Variants in NCBP3 observed in about 807,000 individuals in gnomAD.
NCBP3 encodes the protein nuclear cap binding subunit 3.
A neutral mutation model predicts 75.7 loss-of-function variants in NCBP3; 20 were observed. That is an observed-to-expected ratio of 0.26 (90% CI 0.19 to 0.38). The LOEUF (loss-of-function observed/expected upper bound fraction) is 0.38. Ranked by LOEUF, NCBP3 falls within the 10% of genes least tolerant of loss-of-function variation. NCBP3 has a pLI of 1.00. For missense variants in NCBP3, 678 were observed against 796.9 expected (o/e 0.85, Z 1.80); for synonymous variants, 293 against 290.5 (o/e 1.01, Z -0.09).
intron 3 of NCBP3, among the ~76,000 whole-genome samples, chr17:3,832,627 T>C (rs149942861): frequency 2.0e-5 from 3 of 148,564 alleles, no homozygotes; most frequent in Non-Finnish European, 4.5e-5. Flanking sequence ...CGAGAGGCCA[T>C]CTCAAAAAAA....
chr17:3,825,021 C>T lies in NCBP3; in HGVS notation c.717G>A (p.Glu239=), dbSNP rs218719. 8.0e-3 allele frequency: 12,295 copies of T among 1,544,512 alleles called. 852 individuals carry two copies. The African/African-American group carries it at 0.15, about 18-fold the overall frequency. Residue 239 remains glutamate (E), a synonymous_variant, in exon 7 of 13, where the codon GAG becomes GAA. Coordinates refer to ENST00000389005, the MANE Select transcript of NCBP3 (RefSeq NM_001114118.3). ...GACGAAGATCGTTTCTTAACAAAGA[C>T]TCCTCTTCTACCTGAGACAACGTAT... ...ELDTLSQVEE[E]SLLRNDLRPA... is the part of the protein sequence containing the mutation.
chr17:3,826,330 G>T (rs2053783116), intron 4 of NCBP3, 115 bp from the exon 5 acceptor site: 4 of 1,014,144 alleles, frequency 3.9e-6, no homozygotes, highest in Non-Finnish European at 4.2e-6. Flanking sequence ...ATTATCATCA[G>T]TAAATATACA....
At chr17:3,839,057 G>A (rs1406848033) in intron 3 of NCBP3, among the ~76,000 whole-genome samples, 1 of 152,098 alleles carries the variant, frequency 6.6e-6, no homozygotes, top group Non-Finnish European at 1.5e-5. Flanking sequence ...TGCATTCATG[G>A]ATTTATATTA....
intron 1 of NCBP3, among the ~76,000 whole-genome samples, chr17:3,845,558 T>C (rs1010657274): frequency 6.6e-6 from 1 of 152,192 alleles, no homozygotes; most frequent in African/African-American, 2.4e-5. Flanking sequence ...TTTCTGCTGC[T>C]GACAAGTGCA....
intron 3 of NCBP3, among the ~76,000 whole-genome samples, chr17:3,835,802 T>C (rs1417261658): frequency 1.3e-5 from 2 of 152,232 alleles, no homozygotes; most frequent in African/African-American, 4.8e-5. Context: ...CTGAACCTTT[T>C]TGACACTGAA....
intron 3 of NCBP3, among the ~76,000 whole-genome samples, chr17:3,832,833 T>G (rs1185292506): frequency 6.6e-6 from 1 of 152,170 alleles, no homozygotes; most frequent in Non-Finnish European, 1.5e-5. Context: ...AAACACATAA[T>G]AATTTTAAAT....
chr17:3,839,583 A>G (rs1787121927), intron 3 of NCBP3, among the ~76,000 whole-genome samples: 1 of 152,108 alleles, frequency 6.6e-6, no homozygotes, highest in South Asian at 2.1e-4. Context: ...CCTGACCTCA[A>G]GTGATCCACC....
At chr17:3,834,359 G>A (rs958257974) in intron 3 of NCBP3, among the ~76,000 whole-genome samples, 10 of 152,212 alleles carry the variant, frequency 6.6e-5, no homozygotes, top group Admixed American at 1.3e-4. Context: ...GGGTTTGGAT[G>A]GTAGACCGTG....
intron 3 of NCBP3, among the ~76,000 whole-genome samples, chr17:3,833,753 G>A (rs2053927678): frequency 6.6e-6 from 1 of 152,012 alleles, no homozygotes; most frequent in Non-Finnish European, 1.5e-5. Context: ...ATGTTGTAAT[G>A]TTAGAACAAT....
chr17:3,810,778 T>C lies in NCBP3; in HGVS notation c.*2266A>G, dbSNP rs2053397483. The stretch of plus-strand genomic sequence containing the variant: ...TTACTCGAGTGTGTATTTCTCTTGG[T>C]TACATCAAAGACCCAGTTTTGACTG... On this transcript the variant is annotated 3_prime_UTR_variant, in exon 13 of 13. Coordinates refer to ENST00000389005, the MANE Select transcript of NCBP3 (RefSeq NM_001114118.3). 1 of 152,170 alleles carries C rather than the reference T, an allele frequency of 6.6e-6. No individual in the cohort carries two copies. The highest frequency in any genetic ancestry group is 1.5e-5 in the Non-Finnish European group (1 of 68,032). 9.4% of individuals were successfully genotyped at this position (152,170 alleles called of 1,614,324 possible). A position where few individuals can be genotyped will look rare whatever the true frequency, so the allele number is the denominator to read the frequency against.
rs1278012675 is a variant in NCBP3 at position 3,810,847 on chromosome 17, A to C, written c.*2197T>G. The stretch of plus-strand genomic sequence containing the variant: ...AATGGCTTCGCTGATCTGTAGCAGG[A>C]GACTGCTGAGTGCTGAAAGGCCGTG... On this transcript the variant is annotated 3_prime_UTR_variant, in exon 13 of 13. Transcript: ENST00000389005. The C allele has an allele frequency of 6.6e-6, 1 of 152,298 alleles. No individual in the cohort carries two copies. The highest frequency in any genetic ancestry group is 1.5e-5 in the Non-Finnish European group (1 of 68,088). 9.4% of individuals were successfully genotyped at this position (152,298 alleles called of 1,614,324 possible).
chr17:3,822,049 T>A lies in NCBP3; in HGVS notation c.800A>T (p.Asp267Val), dbSNP rs1245937578. Reference protein sequence around the residue: ...RLFMRFATKDDKKELGAARRS... With the variant: ...RLFMRFATKDVKKELGAARRS... ...TCTGGCTGCTCCAAGTTCCTTTTTG[T>A]CATCTAAAAATTAATGACAATAGTT... The change falls in exon 8 of 13, where the codon GAC becomes GTC. Residue 267 changes from aspartate (D) to valine (V), a missense_variant. By Grantham distance (152) the Asp-to-Val change is radical. Around this residue, in one of 7 missense-constraint regions of NCBP3, gnomAD observed 38 missense variants for 78.9 expected, o/e 0.48. Transcript: ENST00000389005. 1 of 1,600,818 alleles carries A rather than the reference T, an allele frequency of 6.2e-7. No individual in the cohort carries two copies.
At position 3,825,042 on chromosome 17, in the gene NCBP3, C is replaced by G; in HGVS notation, c.696G>C (p.Thr232=). Residue 232 remains threonine (T), a synonymous_variant, in exon 7 of 13, where the codon ACG becomes ACC. Transcript: ENST00000389005. The part of the protein sequence containing the change: ...DENSSDVELD[T]LSQVEEESLL... ...AAGACTCCTCTTCTACCTGAGACAA[C>G]GTATCCAACTTAAGAAAGAAGAGTA... The G allele has an allele frequency of 2.6e-6, 4 of 1,512,406 alleles. No homozygotes were observed. Among genetic ancestry groups the G allele is most frequent in the Non-Finnish European group, 3.6e-6 (4 of 1,121,604 alleles). The allele number at this position is 1,512,406 out of a possible 1,614,324, so 93.7% of individuals were successfully genotyped here. A position where few individuals can be genotyped will look rare whatever the true frequency, so the allele number is the denominator to read the frequency against.
rs534842687 is a variant in NCBP3, at chr17:3,828,849, C to A, written c.481+394G>T. Among the ~76,000 whole-genome samples, 7 of 152,136 alleles carry A rather than the reference C, an allele frequency of 4.6e-5. No homozygotes were observed. The South Asian group carries it at 1.4e-3, about 32-fold the overall frequency. ...GTCAGAGACACAGGCAGAGTCAGCC[C>A]TCTGAGTAACAGTACAGAAGGCAGT... On this transcript the variant is annotated intron_variant, in intron 4 of 12. Transcript: ENST00000389005.
intron 9 of NCBP3, among the ~76,000 whole-genome samples, chr17:3,819,283 C>T (rs747197254): frequency 3.3e-5 from 5 of 152,146 alleles, no homozygotes; most frequent in Non-Finnish European, 5.9e-5. Context: ...ATGGGCCCAG[C>T]GCGGTGGCTC....
At chr17:3,826,062 C>T in intron 5 of NCBP3, 25 bp downstream of exon 5, 1 of 1,546,590 alleles carries the variant, frequency 6.5e-7, no homozygotes, top group Non-Finnish European at 8.7e-7. Context: ...CTTTCAGACC[C>T]CAGTTCCCTC....
At chr17:3,825,903 C>T (rs2053775106) in intron 5 of NCBP3, 60 bp from the exon 6 acceptor site, 3 of 1,400,072 alleles carry the variant, frequency 2.1e-6, no homozygotes, top group African/African-American at 1.4e-5. Context: ...TAATGAGATA[C>T]AAGATGAACT....
At chr17:3,834,135 C>A (rs1330412625) in intron 3 of NCBP3, among the ~76,000 whole-genome samples, 5 of 152,134 alleles carry the variant, frequency 3.3e-5, no homozygotes, top group African/African-American at 1.2e-4. Flanking sequence ...TTTAGGTGAG[C>A]ACAACTGACC....
chr17:3,819,477 G>A lies in NCBP3; in HGVS notation c.1001-905C>T, dbSNP rs180856065. ...CGGGAGGCTGAGGTAGGAGAATGGC[G>A]TGAACCCGGGAGGCGGAGGTTGCAG... On this transcript the variant is annotated intron_variant, in intron 9 of 12. Transcript: ENST00000389005. Among the ~76,000 whole-genome samples, 741 of 151,718 alleles carry A rather than the reference G, an allele frequency of 4.9e-3. 1 individual carries two copies. Among genetic ancestry groups the A allele is most frequent in the Non-Finnish European group, 8.1e-3 (551 of 67,888 alleles).
Sources: allele counts gnomAD v4.1 joint callset (sites outside exome capture counted in the v4.1 genomes callset), GRCh38; gene constraint gnomAD v4.1.1; regional missense constraint gnomAD v4.1.1; transcripts MANE v1.5; gene names NCBI Gene and HGNC (gene_info 2026-07-23, HGNC 2026-07-21).